AK2: variants seen among roughly 807,000 people sequenced by gnomAD.
AK2 encodes adenylate kinase 2.
Under a neutral mutation model 24.6 loss-of-function variants are expected in AK2, and 15 were observed. The observed-to-expected ratio is 0.61, with a 90% CI of 0.41 to 0.94. The LOEUF is 0.94. AK2 is among the 40% of genes least tolerant of loss of function. The pLI is 0.00. For synonymous variants in AK2, 102 were observed against 114.0 expected, an observed-to-expected ratio of 0.90 and a Z score of 0.67; for missense variants, 257 against 304.1, an observed-to-expected ratio of 0.85 and a Z score of 1.15.
Position 33,012,835 on chromosome 1 carries a change from T to C in AK2, c.*346A>G. ...TTGCTTGAGCCCCAGGAGGCAGAGG[T>C]TGCCGTGAGCCAAGATCACGCCACT... is the stretch of plus-strand genomic sequence containing the variant. On this transcript the variant is annotated 3_prime_UTR_variant, in exon 6 of 6. Transcript: ENST00000672715. The C allele has an allele frequency of 1.6e-6, 2 of 1,230,418 alleles. No individual in the cohort carries two copies. The highest frequency in any genetic ancestry group is 1.3e-5 in the South Asian group (1 of 79,412). 76.2% of individuals were successfully genotyped at this position (1,230,418 alleles called of 1,614,324 possible).
In AK2 at chr1:33,010,844, G is replaced by A. The variant is rs373259502; in HGVS notation, c.*2337C>T. The A allele has an allele frequency of 3.1e-6, 5 of 1,614,172 alleles. No homozygotes were observed. The highest frequency in any genetic ancestry group is 1.1e-5 in the South Asian group (1 of 91,086). On this transcript the variant is annotated 3_prime_UTR_variant, in exon 6 of 6. Coordinates refer to ENST00000672715, the MANE Select transcript of AK2 (RefSeq NM_001625.4). ...CCTTCTGATACTAGGCTGAAATAGA[G>A]AGGAAACAAGAGAGAACAAAATGGG...
rs551270752 is a variant in AK2 at position 33,031,494 on chromosome 1, T to G, written c.93+5242A>C. 26 of 434,662 alleles carry G rather than the reference T, an allele frequency of 6.0e-5. 1 individual carries two copies. The highest frequency in any genetic ancestry group is 2.4e-4 in the South Asian group (15 of 62,378). 26.9% of individuals were successfully genotyped at this position (434,662 alleles called of 1,614,324 possible). ...GTAACTGAGCAATGGGTGACTATGT[T>G]GTAATTATTACACCCTCCTGACATG... On this transcript the variant is annotated intron_variant, in intron 1 of 5. Coordinates refer to ENST00000672715, the MANE Select transcript of AK2 (RefSeq NM_001625.4).
At chr1:33,025,487 A>C (rs1171587995) in intron 1 of AK2, among the ~76,000 whole-genome samples, 1 of 152,206 alleles carries the variant, frequency 6.6e-6, no homozygotes, top group East Asian at 1.9e-4. Context: ...TATCTGTTTA[A>C]AATGAAGGCA....
In AK2 at chr1:33,012,461, C is replaced by G. The variant is rs967872483; in HGVS notation, c.*720G>C. The G allele has an allele frequency of 7.0e-7, 1 of 1,425,278 alleles. No individual in the cohort carries two copies. The highest frequency in any genetic ancestry group is 1.4e-5 in the African/African-American group (1 of 70,536). The allele number at this position is 1,425,278 out of a possible 1,614,324, so 88.3% of individuals were successfully genotyped here. ...TGTGCCATCAGGAACTGTGACCCTGCCTGACTTCACATGATCCTGGACTTC... is the reference window on the plus strand; with the variant it reads ...TGTGCCATCAGGAACTGTGACCCTGGCTGACTTCACATGATCCTGGACTTC... On this transcript the variant is annotated 3_prime_UTR_variant, in exon 6 of 6. Transcript: ENST00000672715.
intron 4 of AK2, chr1:33,020,198 C>T (rs1396547194): frequency 1.2e-6 from 1 of 834,676 alleles, no homozygotes; most frequent in Non-Finnish European, 1.7e-6. Flanking sequence ...AACACACACA[C>T]ACACACACAC....
At chr1:33,028,133 A>G (rs535231769) in intron 1 of AK2, among the ~76,000 whole-genome samples, 1 of 152,348 alleles carries the variant, frequency 6.6e-6, no homozygotes, top group African/African-American at 2.4e-5. Context: ...TAACTTTATT[A>G]TAGTCCCCTC....
At chr1:33,030,901 T>G (rs1197239719) in intron 1 of AK2, 1 of 152,270 alleles carries the variant, frequency 6.6e-6, no homozygotes. Context: ...AAGGAGGATT[T>G]CAAAGTGCTG....
At chr1:33,025,209 A>G (rs1027541922) in intron 1 of AK2, among the ~76,000 whole-genome samples, 2 of 151,832 alleles carry the variant, frequency 1.3e-5, no homozygotes, top group African/African-American at 4.8e-5. Context: ...AAAAAAAAAA[A>G]AGAGAATAAA....
chr1:33,020,134 A>G, intron 4 of AK2: 1 of 1,535,398 alleles, frequency 6.5e-7, no homozygotes, highest in Non-Finnish European at 8.7e-7. Flanking sequence ...AAACGTGTCC[A>G]GAAGCAGAGG....
At position 33,029,820 on chromosome 1, in the gene AK2, G is replaced by A. The variant is rs77609412; in HGVS notation, c.94-5253C>T. Among the ~76,000 whole-genome samples, 544 of 152,314 alleles carry A rather than the reference G, an allele frequency of 3.6e-3. 23 individuals carry two copies. The East Asian group carries it at 0.092, about 26-fold the overall frequency. Reference sequence around the variant, plus strand: ...CAGCTTCCGGAGTAGTTGGGACTATGGGCGCATATCACTGTGCCTGGCACA... The same window carrying A: ...CAGCTTCCGGAGTAGTTGGGACTATAGGCGCATATCACTGTGCCTGGCACA... On this transcript the variant is annotated intron_variant, in intron 1 of 5. Transcript: ENST00000672715.
chr1:33,031,488 C>T lies in AK2; in HGVS notation c.93+5248G>A, dbSNP rs1640230886. On this transcript the variant is annotated intron_variant, in intron 1 of 5. Transcript: ENST00000672715. The stretch of plus-strand genomic sequence containing the variant: ...TGTCACGTAACTGAGCAATGGGTGA[C>T]TATGTTGTAATTATTACACCCTCCT... The T allele has an allele frequency of 7.0e-6, 3 of 428,206 alleles. No individual in the cohort carries two copies. The Middle Eastern group carries it at 1.0e-3, about 149-fold the overall frequency. The allele number at this position is 428,206 out of a possible 1,614,324, so 26.5% of individuals were successfully genotyped here.
chr1:33,021,770 C>T lies in AK2; in HGVS notation c.220-67G>A, dbSNP rs59056315. The T allele has an allele frequency of 3.8e-4, 469 of 1,231,494 alleles. 5 individuals are homozygous for T. The African/African-American group carries it at 6.5e-3, about 17-fold the overall frequency. The allele number at this position is 1,231,494 out of a possible 1,614,324, so 76.3% of individuals were successfully genotyped here. On this transcript the variant is annotated intron_variant, in intron 2 of 5. Coordinates refer to ENST00000672715, the MANE Select transcript of AK2 (RefSeq NM_001625.4). ...ACCTAGGTGACTGACATTAGCCCAA[C>T]TCCACAGCCAAAAGTTTGTGTATAT...
Position 33,012,984 on chromosome 1 carries a change from G to GCACA in AK2, c.*193_*196dup, listed in dbSNP as rs368005323. The GCACA allele has an allele frequency of 2.9e-5, 44 of 1,501,196 alleles. No individual in the cohort carries two copies. The African/African-American group carries it at 3.2e-4, about 11-fold the overall frequency. 93.0% of individuals were successfully genotyped at this position (1,501,196 alleles called of 1,614,324 possible). On this transcript the variant is annotated 3_prime_UTR_variant, in exon 6 of 6. Transcript: ENST00000672715. The stretch of plus-strand genomic sequence containing the variant: ...TAGCAGAGTGAACACATATGTGCAT[G>GCACA]CACACACACACACACACAACACACA...
At chr1:33,029,815 A>G (rs1202722807) in intron 1 of AK2, among the ~76,000 whole-genome samples, 1 of 152,182 alleles carries the variant, frequency 6.6e-6, no homozygotes, top group Non-Finnish European at 1.5e-5. Flanking sequence ...AGTAGTTGGG[A>G]CTATGGGCGC....
rs558711409 is a variant in AK2 at position 33,013,294 on chromosome 1, T to G, written c.607A>C (p.Lys203Gln). ...TCGATGGCGGAGTGGATCCCCCGTT[T>G]CCTGTAGTACTCTATGAGTGGGGTG... ...QTTPLIEYYRKRGIHSAIDAS... is the reference protein window; with the variant it reads ...QTTPLIEYYRQRGIHSAIDAS... The change falls in exon 6 of 6, where the codon AAA becomes CAA. Residue 203 changes from lysine to glutamine, a missense_variant. Transcript: ENST00000672715. 6.2e-7 allele frequency: 1 copy of G among 1,614,222 alleles called. No individual in the cohort carries two copies. Among genetic ancestry groups the G allele is most frequent in the East Asian group, 2.2e-5 (1 of 44,890 alleles).
rs779669632 is a variant in AK2, at chr1:33,009,296, T to C, written c.*3885A>G. 27 of 454,022 alleles carry C rather than the reference T, an allele frequency of 5.9e-5. No individual in the cohort carries two copies. The highest frequency in any genetic ancestry group is 1.2e-4 in the Non-Finnish European group (27 of 226,802). The allele number at this position is 454,022 out of a possible 1,614,324, so 28.1% of individuals were successfully genotyped here. A position where few individuals can be genotyped will look rare whatever the true frequency, so the allele number is the denominator to read the frequency against. ...TGAGAGCTTTAGTTTGGAGAAATTA[T>C]TTAAGCTCACTTTTGCTGGAGAGGA... On this transcript the variant is annotated 3_prime_UTR_variant, in exon 6 of 6. Transcript: ENST00000672715.
Position 33,012,973 on chromosome 1 carries a change from C to G in AK2, c.*208G>C. On this transcript the variant is annotated 3_prime_UTR_variant, in exon 6 of 6. Transcript: ENST00000672715. Reference sequence around the variant, plus strand: ...AACTTACAAAGTAGCAGAGTGAACACATATGTGCATGCACACACACACACA... The same window carrying G: ...AACTTACAAAGTAGCAGAGTGAACAGATATGTGCATGCACACACACACACA... The G allele has an allele frequency of 6.4e-7, 1 of 1,574,552 alleles. No homozygotes were observed. The highest frequency in any genetic ancestry group is 8.6e-7 in the Non-Finnish European group (1 of 1,165,380).
Position 33,011,051 on chromosome 1 carries a change from A to G in AK2, c.*2130T>C, listed in dbSNP as rs1371054604. 2 of 985,334 alleles carry G rather than the reference A, an allele frequency of 2.0e-6. No individual in the cohort carries two copies. Among genetic ancestry groups the G allele is most frequent in the African/African-American group, 1.7e-5 (1 of 57,250 alleles). The allele number at this position is 985,334 out of a possible 1,614,324, so 61.0% of individuals were successfully genotyped here. ...ACTGAGAAGGGTATATGCATTCCCTATGAATCTTCCAGTTCTTATGGGCAG... is the reference window on the plus strand; with the variant it reads ...ACTGAGAAGGGTATATGCATTCCCTGTGAATCTTCCAGTTCTTATGGGCAG... On this transcript the variant is annotated 3_prime_UTR_variant, in exon 6 of 6. Transcript: ENST00000672715.
rs1638670774 is a variant in AK2 at position 33,009,527 on chromosome 1, T to C, written c.*3654A>G. 1.1e-5 allele frequency: 5 copies of C among 454,044 alleles called. No homozygotes were observed. Among genetic ancestry groups the C allele is most frequent in the Non-Finnish European group, 2.2e-5 (5 of 226,808 alleles). The allele number at this position is 454,044 out of a possible 1,614,324, so 28.1% of individuals were successfully genotyped here. On this transcript the variant is annotated 3_prime_UTR_variant, in exon 6 of 6. Coordinates refer to ENST00000672715, the MANE Select transcript of AK2 (RefSeq NM_001625.4). ...CCAACTAACATTTATCCAATGTCTG[T>C]TGCATGCCAGGTACTGAGCAAAAAC... is the stretch of plus-strand genomic sequence containing the variant.
Sources: allele counts gnomAD v4.1 joint callset (sites outside exome capture counted in the v4.1 genomes callset), GRCh38; gene constraint gnomAD v4.1.1; transcripts MANE v1.5; gene names NCBI Gene and HGNC (gene_info 2026-07-23, HGNC 2026-07-21).